The following STAC variants were observed in gnomAD, a reference collection of about 807,000 sequenced individuals.
STAC encodes the protein SH3 and cysteine rich domain, also known as SH3 and cysteine-rich domain-containing protein.
STAC carries 43 observed loss-of-function variants against 48.8 expected under a neutral mutation model. The ratio of observed to expected loss-of-function variants is 0.88; its 90% CI spans 0.69 to 1.14. The LOEUF is 1.14. STAC is among the 50% of genes most tolerant of loss of function. The pLI is 0.00. For synonymous variants in STAC, 193 were observed against 179.5 expected, an observed-to-expected ratio of 1.07 and a Z score of -0.60; for missense variants, 497 against 504.0, an observed-to-expected ratio of 0.99 and a Z score of 0.13.
At chr3:36,419,393 C>T (rs1700395858) in intron 1 of STAC, among the ~76,000 whole-genome samples, 1 of 152,178 alleles carries the variant, frequency 6.6e-6, no homozygotes, top group Admixed American at 6.5e-5. Flanking sequence ...ACCTCTCCTT[C>T]ACCCCCTAAA....
intron 2 of STAC, among the ~76,000 whole-genome samples, chr3:36,479,778 G>A (rs192928106): frequency 4.7e-4 from 72 of 152,286 alleles, no homozygotes; most frequent in African/African-American, 1.5e-3. Flanking sequence ...CAGGCATAAG[G>A]GTCACTTGCA....
chr3:36,545,801 T>A (rs1053559311), intron 10 of STAC, among the ~76,000 whole-genome samples: 1 of 152,210 alleles, frequency 6.6e-6, no homozygotes, highest in African/African-American at 2.4e-5. Flanking sequence ...TGCTGAATGA[T>A]AGCTATTATT....
intron 1 of STAC, among the ~76,000 whole-genome samples, chr3:36,381,534 T>C (rs73052254): frequency 0.077 from 11,747 of 152,326 alleles, 507 homozygotes; most frequent in Middle Eastern, 0.095. Context: ...TTTGTAGTTA[T>C]GTGGATTCTT....
At chr3:36,444,839 T>G (rs953171386) in intron 2 of STAC, among the ~76,000 whole-genome samples, 1 of 152,116 alleles carries the variant, frequency 6.6e-6, no homozygotes, top group Non-Finnish European at 1.5e-5. Flanking sequence ...CTACTTCACA[T>G]CTCCATACGG....
intron 6 of STAC, among the ~76,000 whole-genome samples, chr3:36,496,009 G>A (rs1698144680): frequency 6.6e-6 from 1 of 152,124 alleles, no homozygotes; most frequent in South Asian, 2.1e-4. Flanking sequence ...ACACACACAT[G>A]CACACAATAT....
At chr3:36,495,280 G>A (rs1263242767) in intron 6 of STAC, among the ~76,000 whole-genome samples, 1 of 152,098 alleles carries the variant, frequency 6.6e-6, no homozygotes, top group Non-Finnish European at 1.5e-5. Context: ...TTCAGTATTA[G>A]GCTTCCTTGC....
Position 36,443,343 on chromosome 3 carries a change from T to G in STAC, c.112-21T>G. 1 of 1,613,762 alleles carries G rather than the reference T, an allele frequency of 6.2e-7. No individual in the cohort carries two copies. ...TTGATCCATTGATCGTAAGAGAGAC[T>G]GTTCTGTCATTGCATTGCAGCTCCA... On this transcript the variant is annotated intron_variant, in intron 1 of 10. Coordinates refer to ENST00000273183, the MANE Select transcript of STAC (RefSeq NM_003149.3). This position sits in a 1 kb window ranked among gnomAD's most constrained non-coding sequence, Gnocchi z 4.2.
intron 1 of STAC, among the ~76,000 whole-genome samples, chr3:36,419,263 T>A (rs930163016): frequency 7.2e-5 from 11 of 152,156 alleles, no homozygotes; most frequent in African/African-American, 2.7e-4. Context: ...CCTTCCTAAT[T>A]CTCTTATTTG....
chr3:36,521,278 G>A (rs1455249818), intron 8 of STAC, among the ~76,000 whole-genome samples: 2 of 152,090 alleles, frequency 1.3e-5, no homozygotes, highest in African/African-American at 4.8e-5. Flanking sequence ...GATGAGTTTT[G>A]ACACGGCATG....
At chr3:36,499,876 T>C (rs1698241021) in intron 6 of STAC, among the ~76,000 whole-genome samples, 1 of 151,864 alleles carries the variant, frequency 6.6e-6, no homozygotes, top group Non-Finnish European at 1.5e-5. Context: ...AAAAAAAATA[T>C]ATAGCTGTAT....
At chr3:36,505,952 T>G in intron 8 of STAC, 118 bp downstream of exon 8, 1 of 638,852 alleles carries the variant, frequency 1.6e-6, no homozygotes, top group Non-Finnish European at 2.6e-6. Context: ...TTCTCAAACT[T>G]TAGCATGTAT....
At chr3:36,457,913 G>C (rs1335395708) in intron 2 of STAC, among the ~76,000 whole-genome samples, 2 of 152,226 alleles carry the variant, frequency 1.3e-5, no homozygotes, top group Admixed American at 1.3e-4. Context: ...AAAGCCAAGT[G>C]CGGGTGAGGG....
At chr3:36,421,148 T>C (rs1700439338) in intron 1 of STAC, among the ~76,000 whole-genome samples, 1 of 152,214 alleles carries the variant, frequency 6.6e-6, no homozygotes, top group African/African-American at 2.4e-5. Flanking sequence ...AGTAATATTA[T>C]AATTCAGTTC....
chr3:36,418,081 A>C (rs1487568305), intron 1 of STAC, among the ~76,000 whole-genome samples: 1 of 152,062 alleles, frequency 6.6e-6, no homozygotes, highest in Non-Finnish European at 1.5e-5. Flanking sequence ...AGACTAAGTA[A>C]ATTTTTCTAT....
chr3:36,525,940 T>C (rs1328458588), intron 8 of STAC, among the ~76,000 whole-genome samples: 1 of 152,220 alleles, frequency 6.6e-6, no homozygotes, highest in Non-Finnish European at 1.5e-5. Flanking sequence ...GCAAAATGAA[T>C]ACGCAAATCT....
intron 2 of STAC, among the ~76,000 whole-genome samples, chr3:36,481,856 C>T (rs1697656006): frequency 6.6e-6 from 1 of 152,188 alleles, no homozygotes; most frequent in South Asian, 2.1e-4. Flanking sequence ...CCCACAGACT[C>T]ACATAGGTCA....
intron 10 of STAC, among the ~76,000 whole-genome samples, chr3:36,545,174 G>C (rs1262376736): frequency 2.0e-5 from 3 of 152,158 alleles, no homozygotes; most frequent in Admixed American, 6.5e-5. Flanking sequence ...CCTCTCTCCT[G>C]GAAGGTTATG....
intron 1 of STAC, among the ~76,000 whole-genome samples, chr3:36,432,612 C>A (rs1286588526): frequency 6.6e-6 from 1 of 151,108 alleles, no homozygotes; most frequent in African/African-American, 2.4e-5. Flanking sequence ...CGAGGCAGGG[C>A]AAATTTCTTG....
intron 1 of STAC, among the ~76,000 whole-genome samples, chr3:36,432,428 G>A (rs1035125704): frequency 4.6e-5 from 7 of 152,162 alleles, no homozygotes; most frequent in African/African-American, 1.2e-4. Flanking sequence ...TAGGCCTGGC[G>A]TGGTGGCTCA....
Sources: gnomAD v4.1 joint callset for allele counts (sites outside exome capture counted in the v4.1 genomes callset) on GRCh38, gnomAD v4.1.1 for gene constraint, Gnocchi (gnomAD v3.1) non-coding constraint, MANE v1.5 for transcripts, NCBI Gene and HGNC (gene_info 2026-07-23, HGNC 2026-07-21) for gene names.